Variants in CHRM3 observed in about 807,000 individuals in gnomAD.
The protein encoded by CHRM3 is muscarinic acetylcholine receptor M3.
A neutral mutation model predicts 41.8 loss-of-function variants in CHRM3; 11 were observed. That is an observed-to-expected ratio of 0.26 (90% CI 0.17 to 0.44). The LOEUF is 0.44. CHRM3 is among the 20% of genes least tolerant of loss of function. The probability of loss-of-function intolerance (pLI) is 1.00; values close to 1 mark genes in which losing one functional copy is unlikely to be tolerated. For synonymous variants in CHRM3, 297 were observed against 301.4 expected, an observed-to-expected ratio of 0.99 and a Z score of 0.15; for missense variants, 571 against 745.4, an observed-to-expected ratio of 0.77 and a Z score of 2.72.
chr1:239,854,689 G>A (rs1033933076), intron 6 of CHRM3, among the ~76,000 whole-genome samples: 2 of 152,038 alleles, frequency 1.3e-5, no homozygotes, highest in African/African-American at 4.8e-5. Context: ...TATTTCCAGA[G>A]AAGAAATACA....
At chr1:239,809,000 G>T (rs1335111557) in intron 5 of CHRM3, among the ~76,000 whole-genome samples, 1 of 148,230 alleles carries the variant, frequency 6.7e-6, no homozygotes, top group Non-Finnish European at 1.5e-5. Context: ...CAAAGTCTGG[G>T]TCTTTGACTC....
In CHRM3 at chr1:239,781,827, C is replaced by T. The variant is rs778519125; in HGVS notation, c.-146-45425C>T. Among the ~76,000 whole-genome samples, 12 of 150,154 alleles carry T rather than the reference C, an allele frequency of 8.0e-5. No homozygotes were observed. The Middle Eastern group carries it at 0.01, about 128-fold the overall frequency. On this transcript the variant is annotated intron_variant, in intron 5 of 6. Coordinates refer to ENST00000676153, the MANE Select transcript of CHRM3 (RefSeq NM_001375978.1). ...TTTACTGGGACTTTTATCATGAATA[C>T]GTGTTGGGTTTTGTCAAATCCTATT... is the stretch of plus-strand genomic sequence containing the variant.
chr1:239,899,376 CA>C (rs1166520103), intron 6 of CHRM3, among the ~76,000 whole-genome samples: 1 of 144,262 alleles, frequency 6.9e-6, no homozygotes, highest in Admixed American at 7.0e-5. Context: ...TACATATATA[CA>C]TATATAAACA....
chr1:239,811,168 G>A (rs1671085059), intron 5 of CHRM3, among the ~76,000 whole-genome samples: 1 of 152,174 alleles, frequency 6.6e-6, no homozygotes, highest in Non-Finnish European at 1.5e-5. Context: ...GTATCCCAGA[G>A]GATGTGCTGT....
chr1:239,756,999 C>G (rs949531995), intron 5 of CHRM3, among the ~76,000 whole-genome samples: 2 of 152,124 alleles, frequency 1.3e-5, no homozygotes, highest in East Asian at 3.9e-4. Context: ...TATCCATACT[C>G]TATTTAGTGG....
intron 5 of CHRM3, among the ~76,000 whole-genome samples, chr1:239,684,780 A>AAGAAAGAAAGAAAGAAAGAAAGAAAG (rs1558452331): frequency 1.3e-5 from 2 of 151,420 alleles, no homozygotes; most frequent in Non-Finnish European, 2.9e-5. Flanking sequence ...GAGAAAGAGA[A>AAGAAAGAAAGAAAGAAAGAAAGAAAG]AGAAAAGAGA....
chr1:239,678,407 G>A (rs1225647858), intron 5 of CHRM3, 119 bp downstream of exon 5: 1 of 152,124 alleles, frequency 6.6e-6, no homozygotes, highest in Non-Finnish European at 1.5e-5. Context: ...TCATGTGTCA[G>A]CGATGACTGT....
At chr1:239,853,322 T>C (rs1475924045) in intron 6 of CHRM3, among the ~76,000 whole-genome samples, 2 of 151,940 alleles carry the variant, frequency 1.3e-5, no homozygotes, top group Admixed American at 1.3e-4. Flanking sequence ...CTGTTGTAAA[T>C]GTATTTTTTA....
intron 5 of CHRM3, chr1:239,707,377 A>C (rs1661299463): frequency 6.6e-6 from 1 of 152,192 alleles, no homozygotes; most frequent in Admixed American, 6.5e-5. Context: ...TGTATGGAAA[A>C]ACACACAGCC....
At chr1:239,589,638 CTATATATATATATA>C (rs10592228) in intron 3 of CHRM3, among the ~76,000 whole-genome samples, 9 of 124,924 alleles carry the variant, frequency 7.2e-5, no homozygotes, top group African/African-American at 2.1e-4. Context: ...ATATAAAAAA[CTATATATATATATA>C]TATATATATA....
intron 1 of CHRM3, among the ~76,000 whole-genome samples, chr1:239,445,345 A>C (rs937100113): frequency 1.3e-5 from 2 of 152,190 alleles, no homozygotes; most frequent in African/African-American, 4.8e-5. Context: ...GGGAAAATAT[A>C]TATGGAACTT....
chr1:239,556,108 A>G (rs4659546), intron 3 of CHRM3, among the ~76,000 whole-genome samples: 145,213 of 152,288 alleles, frequency 0.95, 69,337 homozygotes, highest in East Asian at 1. Flanking sequence ...AATGAGAAAC[A>G]TTAACTACGC....
chr1:239,830,423 G>C (rs890124991), intron 6 of CHRM3, among the ~76,000 whole-genome samples: 2 of 152,208 alleles, frequency 1.3e-5, no homozygotes, highest in African/African-American at 4.8e-5. Flanking sequence ...GTTGCTTACT[G>C]CTTGGCACAG....
chr1:239,738,294 A>G (rs755442069), intron 5 of CHRM3, among the ~76,000 whole-genome samples: 3 of 152,082 alleles, frequency 2.0e-5, no homozygotes, highest in Non-Finnish European at 4.4e-5. Flanking sequence ...GAAGTCATCT[A>G]TAATTGTAGG....
intron 3 of CHRM3, among the ~76,000 whole-genome samples, chr1:239,570,691 G>A (rs1011983173): frequency 6.6e-6 from 1 of 152,038 alleles, no homozygotes; most frequent in South Asian, 2.1e-4. Flanking sequence ...AAATCAAAAC[G>A]ATGAAATGGT....
chr1:239,808,674 T>G (rs1670861174), intron 5 of CHRM3, among the ~76,000 whole-genome samples: 1 of 152,154 alleles, frequency 6.6e-6, no homozygotes, highest in South Asian at 2.1e-4. Flanking sequence ...GAAATGCGAG[T>G]GAACCACTGA....
chr1:239,817,210 A>G (rs1165153462), intron 5 of CHRM3, among the ~76,000 whole-genome samples: 1 of 152,198 alleles, frequency 6.6e-6, no homozygotes, highest in Non-Finnish European at 1.5e-5. Context: ...GGGGAAAGCA[A>G]GACCAGACCC....
chr1:239,499,335 T>G (rs1668077305), intron 2 of CHRM3, among the ~76,000 whole-genome samples: 1 of 152,108 alleles, frequency 6.6e-6, no homozygotes, highest in Admixed American at 6.6e-5. Context: ...TATTTGAAAA[T>G]AGGTGTAAAA....
chr1:239,788,229 C>A lies in CHRM3; in HGVS notation c.-146-39023C>A, dbSNP rs183731523. Among the ~76,000 whole-genome samples, 880 of 152,096 alleles carry A rather than the reference C, an allele frequency of 5.8e-3. 7 individuals are homozygous for A. Among genetic ancestry groups the A allele is most frequent in the African/African-American group, 0.02 (818 of 41,492 alleles). Reference sequence around the variant, plus strand: ...CCAGCCTGCCTGGTAGAGTGAGACCCCCCAACTCAAAATAATACCACAAGA... The same window carrying A: ...CCAGCCTGCCTGGTAGAGTGAGACCACCCAACTCAAAATAATACCACAAGA... On this transcript the variant is annotated intron_variant, in intron 5 of 6. Transcript: ENST00000676153.
Sources: allele counts gnomAD v4.1 joint callset (sites outside exome capture counted in the v4.1 genomes callset), GRCh38; gene constraint gnomAD v4.1.1; transcripts MANE v1.5; gene names NCBI Gene and HGNC (gene_info 2026-07-23, HGNC 2026-07-21).